The following SRGAP2C variants were observed in gnomAD, a reference collection of about 807,000 sequenced individuals.
SRGAP2C encodes SLIT-ROBO Rho GTPase activating protein 2C, also known as SLIT-ROBO Rho GTPase-activating protein 2C.
In SRGAP2C, 15 loss-of-function variants were observed where a neutral mutation model predicts 25.1. The observed-to-expected ratio is 0.60, with a 90% confidence interval of 0.40 to 0.92. The LOEUF (loss-of-function observed/expected upper bound fraction) is 0.92, where lower values mean the gene tolerates loss of function less well. Ranked by LOEUF, SRGAP2C falls within the 40% of genes least tolerant of loss-of-function variation. The pLI, the probability that SRGAP2C is intolerant of heterozygous loss-of-function variation, is 0.00. For missense variants in SRGAP2C, 144 were observed against 264.4 expected, an observed-to-expected ratio of 0.54 and a Z score of 3.16; for synonymous variants, 44 against 96.6, an observed-to-expected ratio of 0.46 and a Z score of 3.19.
intron 4 of SRGAP2C, among the ~76,000 whole-genome samples, chr1:121,329,947 G>T (rs1658398242): frequency 1.3e-5 from 2 of 151,346 alleles, no homozygotes; most frequent in African/African-American, 2.4e-5. Flanking sequence ...TGGAACCAGG[G>T]TTTGGGCAAA....
intron 1 of SRGAP2C, among the ~76,000 whole-genome samples, chr1:121,186,621 G>T (rs1553318949): frequency 6.6e-6 from 1 of 151,762 alleles, no homozygotes; most frequent in African/African-American, 2.4e-5. Flanking sequence ...GGCTCAGGAG[G>T]CCGCCGAGGT....
chr1:121,222,713 C>G (rs1655560509), intron 2 of SRGAP2C, among the ~76,000 whole-genome samples: 1 of 152,170 alleles, frequency 6.6e-6, no homozygotes, highest in South Asian at 2.1e-4. Context: ...TGTGGGTGTT[C>G]ATAGTTAGGT....
Position 121,362,582 on chromosome 1 carries a change from C to T in SRGAP2C, c.424-2711C>T, listed in dbSNP as rs587595027. On this transcript the variant is annotated intron_variant, in intron 4 of 9. Coordinates refer to ENST00000367123, the MANE Select transcript of SRGAP2C (RefSeq NM_001329984.2). ...CAGGGTAGAGGAATAGGAGCTTTCTCCTTTAACCTCTGCCATTCAAACATA... is the reference window on the plus strand; with the variant it reads ...CAGGGTAGAGGAATAGGAGCTTTCTTCTTTAACCTCTGCCATTCAAACATA... Among the ~76,000 whole-genome samples, 869 of 151,352 alleles carry T rather than the reference C, an allele frequency of 5.7e-3. 5 individuals are homozygous for T. Among genetic ancestry groups the T allele is most frequent in the African/African-American group, 0.02 (828 of 41,176 alleles).
rs879205283 is a variant in SRGAP2C, at chr1:121,314,381, G to A, written c.261-10097G>A. On this transcript the variant is annotated intron_variant, in intron 3 of 9. Transcript: ENST00000367123. The stretch of plus-strand genomic sequence containing the variant: ...TTGCCTTTGGTTTGAATTTCCTCCC[G>A]TAGCTCAGAGTAATTTGATCGTCTG... Among the ~76,000 whole-genome samples the A allele has an allele frequency of 7.5e-3, 1,139 of 151,814 alleles. 26 individuals are homozygous for A. Among genetic ancestry groups the A allele is most frequent in the East Asian group, 0.071 (367 of 5,178 alleles).
chr1:121,223,066 G>A lies in SRGAP2C; in HGVS notation c.67+35553G>A, dbSNP rs139753614. 3.0e-4 allele frequency among the ~76,000 whole-genome samples: 46 copies of A among 152,194 alleles called. No homozygotes were observed. The East Asian group carries it at 5.0e-3, about 17-fold the overall frequency. On this transcript the variant is annotated intron_variant, in intron 2 of 9. Coordinates refer to ENST00000367123, the MANE Select transcript of SRGAP2C (RefSeq NM_001329984.2). ...CATTAAGATAAAGACTTCTTCTTCCGAAGCAGTATGGTGCTTGGGTCAGTG... is the reference window on the plus strand; with the variant it reads ...CATTAAGATAAAGACTTCTTCTTCCAAAGCAGTATGGTGCTTGGGTCAGTG...
intron 2 of SRGAP2C, among the ~76,000 whole-genome samples, chr1:121,268,758 G>A (rs200547252): frequency 0.011 from 1,160 of 105,816 alleles, 95 homozygotes; most frequent in East Asian, 0.034. Context: ...GTGTGGTCAG[G>A]ATGGGGTGTC....
chr1:121,347,729 T>A (rs1219333146), intron 4 of SRGAP2C, among the ~76,000 whole-genome samples: 5 of 152,162 alleles, frequency 3.3e-5, no homozygotes, highest in Non-Finnish European at 7.3e-5. Flanking sequence ...AAAGGCACAG[T>A]GACACAAAGG....
chr1:121,353,458 C>T (rs1162181193), intron 4 of SRGAP2C, among the ~76,000 whole-genome samples: 11 of 147,554 alleles, frequency 7.5e-5, no homozygotes, highest in Non-Finnish European at 1.5e-4. Context: ...GCTGCAGTTA[C>T]AGGCATGAGC....
intron 2 of SRGAP2C, among the ~76,000 whole-genome samples, chr1:121,266,534 A>T (rs1656789026): frequency 2.0e-5 from 3 of 150,662 alleles, no homozygotes; most frequent in Middle Eastern, 3.4e-3. Context: ...TTGATTTTTT[A>T]AAAAAGGAAA....
At chr1:121,340,651 A>G (rs1282597149) in intron 4 of SRGAP2C, among the ~76,000 whole-genome samples, 3 of 149,442 alleles carry the variant, frequency 2.0e-5, no homozygotes, top group Admixed American at 6.7e-5. Flanking sequence ...AGGATCTTGG[A>G]AAAAAAACAG....
chr1:121,238,238 T>G (rs1656005886), intron 2 of SRGAP2C, among the ~76,000 whole-genome samples: 1 of 150,570 alleles, frequency 6.6e-6, no homozygotes, highest in East Asian at 2.0e-4. Flanking sequence ...CCACCCAAGT[T>G]GCTTCCAAAG....
intron 2 of SRGAP2C, among the ~76,000 whole-genome samples, chr1:121,258,061 C>G (rs1656521937): frequency 6.6e-6 from 1 of 151,776 alleles, no homozygotes; most frequent in African/African-American, 2.4e-5. Flanking sequence ...GTGAGATTAC[C>G]TTGTAGTGAT....
At chr1:121,227,320 G>C (rs1655701202) in intron 2 of SRGAP2C, among the ~76,000 whole-genome samples, 1 of 152,168 alleles carries the variant, frequency 6.6e-6, no homozygotes, top group South Asian at 2.1e-4. Flanking sequence ...TTCTGTCCCT[G>C]AAGATTCTGC....
chr1:121,326,482 A>T lies in SRGAP2C; in HGVS notation c.423+1842A>T, dbSNP rs1332467925. ...ATGGCATGTATACAAGGTGTGGGGC[A>T]TATGACATTCATGAAGAAAATTCGT... On this transcript the variant is annotated intron_variant, in intron 4 of 9. Coordinates refer to ENST00000367123, the MANE Select transcript of SRGAP2C (RefSeq NM_001329984.2). 8.5e-5 allele frequency among the ~76,000 whole-genome samples: 7 copies of T among 82,190 alleles called. 2 individuals are homozygous for T. The highest frequency in any genetic ancestry group is 1.7e-4 in the Non-Finnish European group (7 of 42,016). The allele number at this position is 82,190 out of a possible 152,430, so 53.9% of individuals were successfully genotyped here.
intron 3 of SRGAP2C, among the ~76,000 whole-genome samples, chr1:121,287,611 G>C (rs1419730792): frequency 2.0e-5 from 3 of 152,080 alleles, no homozygotes; most frequent in African/African-American, 7.2e-5. Flanking sequence ...TACAAATTAA[G>C]GTTCAGATGT....
intron 2 of SRGAP2C, among the ~76,000 whole-genome samples, chr1:121,208,855 G>C (rs1558081160): frequency 1.3e-5 from 2 of 152,108 alleles, no homozygotes; most frequent in Non-Finnish European, 2.9e-5. Context: ...GGGATTATTT[G>C]TGCCGTCATC....
chr1:121,314,380 C>T (rs1245314176), intron 3 of SRGAP2C, among the ~76,000 whole-genome samples: 11 of 151,876 alleles, frequency 7.2e-5, no homozygotes, highest in East Asian at 3.9e-4. Flanking sequence ...AATTTCCTCC[C>T]GTAGCTCAGA....
rs587662271 is a variant in SRGAP2C, at chr1:121,270,474, A to T, written c.68-14329A>T. Among the ~76,000 whole-genome samples, 171 of 123,360 alleles carry T rather than the reference A, an allele frequency of 1.4e-3. 3 individuals carry two copies. Among genetic ancestry groups the T allele is most frequent in the Non-Finnish European group, 2.6e-3 (151 of 59,052 alleles). The allele number at this position is 123,360 out of a possible 152,430, so 80.9% of individuals were successfully genotyped here. On this transcript the variant is annotated intron_variant, in intron 2 of 9. Transcript: ENST00000367123. ...TATATTATGGGCCTTTTCTATTCAC[A>T]GATTTAGTTCTCTGGATATTTTTTT...
chr1:121,358,660 C>G (rs1215220915), intron 4 of SRGAP2C, among the ~76,000 whole-genome samples: 2 of 144,214 alleles, frequency 1.4e-5, no homozygotes, highest in Non-Finnish European at 3.0e-5. Context: ...TTGGGAGTCA[C>G]TAATACTGAA....
Sources: allele counts gnomAD v4.1 joint callset (sites outside exome capture counted in the v4.1 genomes callset), GRCh38; gene constraint gnomAD v4.1.1; transcripts MANE v1.5; gene names NCBI Gene and HGNC (gene_info 2026-07-23, HGNC 2026-07-21).